The following DIP2C variants were observed in gnomAD, a reference collection of about 807,000 sequenced individuals.
DIP2C encodes disco-interacting protein 2 homolog C.
DIP2C carries 33 observed loss-of-function variants against 192.4 expected under a neutral mutation model. The observed-to-expected ratio is 0.17, with a 90% confidence interval of 0.13 to 0.23. The LOEUF (loss-of-function observed/expected upper bound fraction) is 0.23. Among genes scored for constraint, DIP2C ranks in the 10% least tolerant of loss-of-function variants. The pLI, the probability that DIP2C is intolerant of heterozygous loss-of-function variation, is 1.00. For synonymous variants in DIP2C, 979 were observed against 864.1 expected, an observed-to-expected ratio of 1.13 and a Z score of -2.33; for missense variants, 1,537 against 2,110.1, an observed-to-expected ratio of 0.73 and a Z score of 5.32.
chr10:543,212 T>C (rs1848102278), intron 1 of DIP2C, among the ~76,000 whole-genome samples: 1 of 152,254 alleles, frequency 6.6e-6, no homozygotes, highest in African/African-American at 2.4e-5. Context: ...CCGTCTCCTT[T>C]GCAAGGGCTG....
chr10:605,175 C>G (rs1852375607), intron 1 of DIP2C, among the ~76,000 whole-genome samples: 1 of 152,194 alleles, frequency 6.6e-6, no homozygotes, highest in Admixed American at 6.5e-5. Flanking sequence ...GCTGGTCACT[C>G]CGCCGGCTGC....
intron 29 of DIP2C, among the ~76,000 whole-genome samples, chr10:335,498 G>A (rs890971232): frequency 3.9e-4 from 59 of 152,308 alleles, no homozygotes; most frequent in African/African-American, 1.4e-3. Context: ...GAAAGTGGTC[G>A]GCTCTCAGCT....
intron 1 of DIP2C, among the ~76,000 whole-genome samples, chr10:495,116 A>T (rs1428751974): frequency 6.6e-6 from 1 of 152,256 alleles, no homozygotes; most frequent in African/African-American, 2.4e-5. Flanking sequence ...AAGTGAAATA[A>T]AACAGGCACA....
chr10:478,449 T>C (rs1010435163), intron 2 of DIP2C, among the ~76,000 whole-genome samples: 2 of 147,264 alleles, frequency 1.4e-5, no homozygotes, highest in African/African-American at 2.6e-5. Flanking sequence ...TCCCATCTTT[T>C]TCTCACTCAT....
chr10:687,155 T>C (rs1473940028), intron 1 of DIP2C, among the ~76,000 whole-genome samples: 4 of 152,230 alleles, frequency 2.6e-5, no homozygotes, highest in African/African-American at 9.6e-5. Flanking sequence ...TGAAAGCAGA[T>C]ACATTGAGGA....
rs376487962 is a variant in DIP2C at position 307,399 on chromosome 10, C to A, written c.3986+2632G>T. Among the ~76,000 whole-genome samples the A allele has an allele frequency of 1.6e-4, 24 of 152,284 alleles. No individual in the cohort carries two copies. The South Asian group carries it at 4.8e-3, about 30-fold the overall frequency. On this transcript the variant is annotated intron_variant, in intron 32 of 36. Coordinates refer to ENST00000280886, the MANE Select transcript of DIP2C (RefSeq NM_014974.3). ...TTGAAAGTGATGCTGGAGATTAAAG[C>A]TGGATGACATTTTTACCTAGGAATA...
chr10:355,414 ATTTCC>A (rs1486487641), intron 24 of DIP2C, among the ~76,000 whole-genome samples: 1 of 152,168 alleles, frequency 6.6e-6, no homozygotes, highest in East Asian at 1.9e-4. Context: ...TGCTGCTGGC[ATTTCC>A]TTTTGTCTTC....
chr10:401,364 C>T lies in DIP2C; in HGVS notation c.1150-2145G>A, dbSNP rs1238654402. Among the ~76,000 whole-genome samples, 10 of 151,876 alleles carry T rather than the reference C, an allele frequency of 6.6e-5. No individual in the cohort carries two copies. The South Asian group carries it at 2.1e-3, about 32-fold the overall frequency. ...GATTTTACATGTGTGGTAGCATTAGCATTACTCTTCCTTATGGACAAGTTT... is the reference window on the plus strand; with the variant it reads ...GATTTTACATGTGTGGTAGCATTAGTATTACTCTTCCTTATGGACAAGTTT... On this transcript the variant is annotated intron_variant, in intron 9 of 36. Transcript: ENST00000280886.
rs568012997 is a variant in DIP2C, at chr10:327,039, G to A, written c.3891C>T (p.Phe1297=). The A allele has an allele frequency of 9.3e-6, 15 of 1,614,026 alleles. No homozygotes were observed. Among genetic ancestry groups the A allele is most frequent in the Admixed American group, 1.7e-5 (1 of 60,010 alleles). ...AAATCGCCAGGTTCACCCTGCAACC[G>A]AACGAGGTGCTGACGGCCCGCGGGT... The part of the protein sequence containing the change: ...GLHPRAVSTS[F]GCRVNLAICL... The change falls in exon 31 of 37, where the codon TTC becomes TTT. Residue 1297 remains phenylalanine (F), a synonymous_variant. Coordinates refer to ENST00000280886, the MANE Select transcript of DIP2C (RefSeq NM_014974.3).
At chr10:470,712 C>A (rs753235821) in intron 3 of DIP2C, among the ~76,000 whole-genome samples, 6 of 152,148 alleles carry the variant, frequency 3.9e-5, no homozygotes, top group Admixed American at 6.5e-5. Context: ...GCAGTGGCGA[C>A]TGACGCGGAT....
At chr10:279,631 G>A (rs1033035513) in intron 36 of DIP2C, among the ~76,000 whole-genome samples, 3 of 152,372 alleles carry the variant, frequency 2.0e-5, no homozygotes, top group East Asian at 1.9e-4. Context: ...TGGAGCAGCC[G>A]ATGGTGGCCC....
At chr10:439,280 G>T (rs996830074) in intron 4 of DIP2C, among the ~76,000 whole-genome samples, 7 of 148,890 alleles carry the variant, frequency 4.7e-5, no homozygotes, top group African/African-American at 1.8e-4. Context: ...GCATTTGCTA[G>T]CACGGCGTTC....
At chr10:456,785 CCGTTT>C (rs1443949614) in intron 3 of DIP2C, among the ~76,000 whole-genome samples, 1 of 152,186 alleles carries the variant, frequency 6.6e-6, no homozygotes, top group Non-Finnish European at 1.5e-5. Context: ...TTTTGTTCCA[CCGTTT>C]CGTTCTTTGG....
chr10:491,255 C>T (rs898008029), intron 1 of DIP2C, among the ~76,000 whole-genome samples: 13 of 152,358 alleles, frequency 8.5e-5, no homozygotes, highest in African/African-American at 2.6e-4. Context: ...CAGCTCCAAG[C>T]ACACAGACCC....
chr10:638,534 G>A (rs375962761), intron 1 of DIP2C, among the ~76,000 whole-genome samples: 2 of 152,084 alleles, frequency 1.3e-5, no homozygotes, highest in Non-Finnish European at 2.9e-5. Flanking sequence ...TTAAATTCTC[G>A]AAGCACCGTA....
rs887731394 is a variant in DIP2C, at chr10:275,919, C to A, written c.*1406G>T. ...GAACTGTGCTCACTGAGCGAGGGAG[C>A]CCCAGAGGCTCACACAGAGCGGGCT... On this transcript the variant is annotated 3_prime_UTR_variant, in exon 37 of 37. Coordinates refer to ENST00000280886, the MANE Select transcript of DIP2C (RefSeq NM_014974.3). 2.6e-5 allele frequency: 4 copies of A among 152,180 alleles called. No homozygotes were observed. The highest frequency in any genetic ancestry group is 7.2e-5 in the African/African-American group (3 of 41,436). 9.4% of individuals were successfully genotyped at this position (152,180 alleles called of 1,614,324 possible).
At chr10:485,658 G>A (rs1233916784) in intron 2 of DIP2C, among the ~76,000 whole-genome samples, 1 of 152,228 alleles carries the variant, frequency 6.6e-6, no homozygotes. Context: ...GTTTGTGCAG[G>A]TGTGGACATG....
At chr10:510,500 C>T (rs549702301) in intron 1 of DIP2C, among the ~76,000 whole-genome samples, 45 of 152,368 alleles carry the variant, frequency 3.0e-4, no homozygotes, top group African/African-American at 9.9e-4. Flanking sequence ...TCGTGACCAC[C>T]TTCCGGAAAG....
chr10:275,878 G>C lies in DIP2C; in HGVS notation c.*1447C>G, dbSNP rs576779885. 1 of 152,332 alleles carries C rather than the reference G, an allele frequency of 6.6e-6. No homozygotes were observed. Among genetic ancestry groups the C allele is most frequent in the South Asian group, 2.1e-4 (1 of 4,822 alleles). 9.4% of individuals were successfully genotyped at this position (152,332 alleles called of 1,614,324 possible). ...GACTTCTTGCTTCAGCCGGAGCTCT[G>C]GCATGAACCCCCGGGGAACTGTGCT... On this transcript the variant is annotated 3_prime_UTR_variant, in exon 37 of 37. Transcript: ENST00000280886.
Sources: allele counts gnomAD v4.1 joint callset (sites outside exome capture counted in the v4.1 genomes callset), GRCh38; gene constraint gnomAD v4.1.1; transcripts MANE v1.5; gene names NCBI Gene and HGNC (gene_info 2026-07-23, HGNC 2026-07-21).